Variants in RIMBP2 observed in about 807,000 individuals in gnomAD.
RIMBP2 encodes RIMS binding protein 2.
RIMBP2 carries 48 observed loss-of-function variants against 118.6 expected under a neutral mutation model. That is an observed-to-expected ratio of 0.40 (90% CI 0.32 to 0.51). RIMBP2 has a LOEUF of 0.51. RIMBP2 is among the 20% of genes least tolerant of loss of function. The probability of loss-of-function intolerance (pLI) is 0.41; values close to 1 mark genes in which losing one functional copy is unlikely to be tolerated. For synonymous variants in RIMBP2, 762 were observed against 742.9 expected, an observed-to-expected ratio of 1.03 and a Z score of -0.42; for missense variants, 1,551 against 1,768.3, an observed-to-expected ratio of 0.88 and a Z score of 2.20.
chr12:130,403,724 A>G (rs1179363210), intron 21 of RIMBP2, among the ~76,000 whole-genome samples: 1 of 152,206 alleles, frequency 6.6e-6, no homozygotes, highest in African/African-American at 2.4e-5. Context: ...TAATTCTAGC[A>G]TAATCCCGGT....
intron 2 of RIMBP2, among the ~76,000 whole-genome samples, chr12:130,594,686 G>T (rs564712360): frequency 3.9e-5 from 6 of 152,262 alleles, no homozygotes; most frequent in African/African-American, 7.2e-5. Context: ...TGTTTTAAGG[G>T]GGGGGTGTGG....
intron 2 of RIMBP2, among the ~76,000 whole-genome samples, chr12:130,524,548 G>C (rs2052556723): frequency 6.6e-6 from 1 of 152,192 alleles, no homozygotes; most frequent in Non-Finnish European, 1.5e-5. Flanking sequence ...AGAAGGGTTG[G>C]GTGGCGAGGA....
intron 22 of RIMBP2, chr12:130,398,056 C>A (rs1383162061): frequency 6.6e-6 from 1 of 152,046 alleles, no homozygotes; most frequent in African/African-American, 2.4e-5. Flanking sequence ...AAAAAAAAAA[C>A]TAAAATGAAC....
intron 6 of RIMBP2, among the ~76,000 whole-genome samples, chr12:130,459,847 G>T (rs2079819182): frequency 6.6e-6 from 1 of 152,134 alleles, no homozygotes; most frequent in African/African-American, 2.4e-5. Flanking sequence ...GGTCCCCAGG[G>T]CCTGGCAGGG....
At position 130,503,232 on chromosome 12, in the gene RIMBP2, C is replaced by CAAA. The variant is rs199605333; in HGVS notation, c.-4+3413_-4+3415dup. On this transcript the variant is annotated intron_variant, in intron 4 of 22. Transcript: ENST00000690449. ...CAAAACCCTGTCTCCACTAAAAATACAAAAAAAAAAAATATTATCCGGGTG... is the reference window on the plus strand; with the variant it reads ...CAAAACCCTGTCTCCACTAAAAATACAAAAAAAAAAAAAAATATTATCCGGGTG... 4.5e-3 allele frequency among the ~76,000 whole-genome samples: 652 copies of CAAA among 145,602 alleles called. 12 individuals carry two copies. Among genetic ancestry groups the CAAA allele is most frequent in the Admixed American group, 0.035 (510 of 14,622 alleles).
intron 19 of RIMBP2, among the ~76,000 whole-genome samples, chr12:130,411,925 G>C (rs2075749879): frequency 6.6e-6 from 1 of 152,044 alleles, no homozygotes. Flanking sequence ...AGCTAATCAA[G>C]TTTTGAAGTA....
At position 130,441,862 on chromosome 12, in the gene RIMBP2, G is replaced by A. The variant is rs1297113279; in HGVS notation, c.1490C>T (p.Ser497Phe). 3 of 1,613,526 alleles carry A rather than the reference G, an allele frequency of 1.9e-6. No individual in the cohort carries two copies. Among genetic ancestry groups the A allele is most frequent in the Admixed American group, 3.3e-5 (2 of 59,992 alleles). Residue 497 changes from serine (S) to phenylalanine (F), a missense_variant, in exon 11 of 23, where the codon TCC (serine) becomes TTC (phenylalanine). By Grantham distance (155) the Ser-to-Phe change is radical. Transcript: ENST00000690449. ...REKKEAFVEF[S>F]TLPAGPPAPP... ...ACAGGGCTCACCTGCAGGCAACGTG[G>A]AGAACTCCACAAAGGCCTCCTTCTT...
chr12:130,574,885 G>A (rs1339245833), intron 2 of RIMBP2, among the ~76,000 whole-genome samples: 4 of 151,998 alleles, frequency 2.6e-5, no homozygotes, highest in Non-Finnish European at 4.4e-5. Context: ...AGGCCCATGC[G>A]GCCAGGTCTC....
At chr12:130,438,339 TCCCCA>T in intron 12 of RIMBP2, 21 bp downstream of exon 12, 1 of 755,630 alleles carries the variant, frequency 1.3e-6, no homozygotes, top group Non-Finnish European at 2.1e-6. Flanking sequence ...TAACAAACCC[TCCCCA>T]CCCACCCAAC....
intron 1 of RIMBP2, among the ~76,000 whole-genome samples, chr12:130,713,782 C>T (rs574402439): frequency 3.3e-5 from 5 of 152,306 alleles, no homozygotes; most frequent in South Asian, 4.1e-4. Context: ...GCCCTCTGGT[C>T]CCTGAGGTTT....
In RIMBP2 at chr12:130,462,769, G is replaced by T. The variant is rs12823815; in HGVS notation, c.154-6069C>A. On this transcript the variant is annotated intron_variant, in intron 6 of 22. Transcript: ENST00000690449. ...GGGCAGAGCGCTGGCACCACGTGGA[G>T]CTCACAGACCAGGCATGGAATGTAC... 2.6e-3 allele frequency among the ~76,000 whole-genome samples: 390 copies of T among 152,372 alleles called. 2 individuals carry two copies. Among genetic ancestry groups the T allele is most frequent in the Middle Eastern group, 0.01 (3 of 294 alleles).
intron 2 of RIMBP2, among the ~76,000 whole-genome samples, chr12:130,543,563 G>C (rs2054806022): frequency 6.6e-6 from 1 of 152,068 alleles, no homozygotes; most frequent in South Asian, 2.1e-4. Context: ...CTTCTCCAAA[G>C]ATGAGCCCTA....
At chr12:130,470,665 G>T (rs947028750) in intron 6 of RIMBP2, 28 bp downstream of exon 6, 1 of 1,224,042 alleles carries the variant, frequency 8.2e-7, no homozygotes, top group Non-Finnish European at 1.0e-6. Flanking sequence ...CCCCACCCCC[G>T]GGCAGAAAGC....
At chr12:130,639,028 G>A (rs2062480137) in intron 1 of RIMBP2, among the ~76,000 whole-genome samples, 1 of 152,192 alleles carries the variant, frequency 6.6e-6, no homozygotes, top group South Asian at 2.1e-4. Flanking sequence ...GGGTCAGGAA[G>A]AGGGGGTGCT....
intron 6 of RIMBP2, 115 bp from the exon 7 acceptor site, chr12:130,456,815 C>T (rs2079494063): frequency 1.4e-6 from 1 of 738,062 alleles, no homozygotes; most frequent in Admixed American, 2.6e-5. Flanking sequence ...CACGTGTGTA[C>T]ACACGTGTTG....
At position 130,710,059 on chromosome 12, in the gene RIMBP2, G is replaced by A. The variant is rs970714680; in HGVS notation, c.-352+6163C>T. Among the ~76,000 whole-genome samples the A allele has an allele frequency of 2.0e-4, 31 of 152,148 alleles. No homozygotes were observed. Among genetic ancestry groups the A allele is most frequent in the African/African-American group, 7.5e-4 (31 of 41,432 alleles). On this transcript the variant is annotated intron_variant, in intron 1 of 22. Transcript: ENST00000690449. This position sits in a 1 kb window ranked among gnomAD's most constrained non-coding sequence, Gnocchi z 4.3. ...TTTCCGGGTATCCCTGGGAGCTCACGGGTGGACACCGAGGGTCTCCAGGAG... is the reference window on the plus strand; with the variant it reads ...TTTCCGGGTATCCCTGGGAGCTCACAGGTGGACACCGAGGGTCTCCAGGAG...
chr12:130,457,208 C>T (rs964713727), intron 6 of RIMBP2, among the ~76,000 whole-genome samples: 3 of 152,230 alleles, frequency 2.0e-5, no homozygotes, highest in Non-Finnish European at 4.4e-5. Context: ...ATCCAGGGCG[C>T]CCGCCCCCTC....
Position 130,434,607 on chromosome 12 carries a change from G to T in RIMBP2, c.2253+127C>A. ...CCTAGCACGACTTAGGACCCCAGCT[G>T]GGCGTCTCCATCTCTCTCAGGGACC... On this transcript the variant is annotated intron_variant, in intron 14 of 22. Coordinates refer to ENST00000690449, the MANE Select transcript of RIMBP2 (RefSeq NM_001393629.1). This position sits in a 1 kb window ranked among gnomAD's most constrained non-coding sequence, Gnocchi z 5.7. 1.0e-6 allele frequency: 1 copy of T among 970,208 alleles called. No individual in the cohort carries two copies. The highest frequency in any genetic ancestry group is 1.5e-6 in the Non-Finnish European group (1 of 668,518). The allele number at this position is 970,208 out of a possible 1,614,324, so 60.1% of individuals were successfully genotyped here. A position where few individuals can be genotyped will look rare whatever the true frequency, so the allele number is the denominator to read the frequency against.
intron 2 of RIMBP2, among the ~76,000 whole-genome samples, chr12:130,536,011 A>T (rs1019456361): frequency 6.6e-6 from 1 of 151,476 alleles, no homozygotes; most frequent in Admixed American, 6.6e-5. Flanking sequence ...CTGGGCTCGA[A>T]CTCCTGAGCT....
Sources: gnomAD v4.1 joint callset for allele counts (sites outside exome capture counted in the v4.1 genomes callset) on GRCh38, gnomAD v4.1.1 for gene constraint, Gnocchi (gnomAD v3.1) non-coding constraint, MANE v1.5 for transcripts, NCBI Gene and HGNC (gene_info 2026-07-23, HGNC 2026-07-21) for gene names.